Variants in GALM observed in about 807,000 individuals in gnomAD.
GALM encodes galactose mutarotase.
In GALM, 43 loss-of-function variants were observed where a neutral mutation model predicts 37.4. The ratio of observed to expected loss-of-function variants is 1.15; its 90% CI spans 0.90 to 1.48. The LOEUF is 1.48. Among genes scored for constraint, GALM ranks in the 40% most tolerant of loss-of-function variants. The probability of loss-of-function intolerance (pLI) is 0.00; values close to 1 mark genes in which losing one functional copy is unlikely to be tolerated. For synonymous variants in GALM, 199 were observed against 170.6 expected, an observed-to-expected ratio of 1.17 and a Z score of -1.30; for missense variants, 456 against 419.1, an observed-to-expected ratio of 1.09 and a Z score of -0.77.
chr2:38,707,219 C>G (rs535006034), intron 4 of GALM, among the ~76,000 whole-genome samples: 97 of 152,112 alleles, frequency 6.4e-4, no homozygotes, highest in African/African-American at 2.3e-3. Context: ...CTTCCAGCAG[C>G]TGGATGCATG....
At chr2:38,670,251 A>G (rs1015201817) in intron 1 of GALM, among the ~76,000 whole-genome samples, 2 of 152,244 alleles carry the variant, frequency 1.3e-5, no homozygotes, top group African/African-American at 4.8e-5. Context: ...TATAAGCCAC[A>G]GGTATAAACA....
chr2:38,666,363 T>C lies in GALM; in HGVS notation c.190+12T>C. ...CGCCGAGTTGGAAGGTGGGTTGAAC[T>C]GTGCCCTGGGCTGCGAGCAGGCCCC... On this transcript the variant is annotated intron_variant, in intron 1 of 6. Transcript: ENST00000272252. 1 of 1,601,882 alleles carries C rather than the reference T, an allele frequency of 6.2e-7. No individual in the cohort carries two copies. Among genetic ancestry groups the C allele is most frequent in the Non-Finnish European group, 8.5e-7 (1 of 1,172,370 alleles).
chr2:38,700,911 C>T (rs1665904086), intron 4 of GALM, among the ~76,000 whole-genome samples: 2 of 152,092 alleles, frequency 1.3e-5, no homozygotes, highest in Admixed American at 6.6e-5. Flanking sequence ...GAGTTTTCTA[C>T]TTTTTTGTGT....
chr2:38,689,539 T>A (rs1665622016), intron 3 of GALM, among the ~76,000 whole-genome samples: 1 of 152,192 alleles, frequency 6.6e-6, no homozygotes, highest in Non-Finnish European at 1.5e-5. Flanking sequence ...TCCAAAAGGC[T>A]TTCAAACCAC....
At chr2:38,687,508 G>A (rs1258487415) in intron 3 of GALM, among the ~76,000 whole-genome samples, 2 of 151,964 alleles carry the variant, frequency 1.3e-5, no homozygotes, top group Non-Finnish European at 2.9e-5. Context: ...TCTGGAGTTC[G>A]AGACCAGCCT....
chr2:38,732,022 G>C (rs1666619211), intron 6 of GALM, 113 bp downstream of exon 6: 2 of 953,982 alleles, frequency 2.1e-6, no homozygotes, highest in African/African-American at 3.3e-5. Context: ...TGCTTTGTTT[G>C]TTTGGTTTGT....
At chr2:38,686,670 A>G (rs1665546469) in intron 3 of GALM, among the ~76,000 whole-genome samples, 1 of 152,212 alleles carries the variant, frequency 6.6e-6, no homozygotes, top group African/African-American at 2.4e-5. Context: ...ATACAGTCAT[A>G]CAACGGAATA....
intron 5 of GALM, among the ~76,000 whole-genome samples, chr2:38,730,520 C>T (rs939313342): frequency 9.2e-5 from 14 of 152,162 alleles, no homozygotes; most frequent in African/African-American, 3.4e-4. Flanking sequence ...CCACCTCGGC[C>T]TCCCAAAGTG....
At chr2:38,675,599 C>T (rs562863711) in intron 1 of GALM, among the ~76,000 whole-genome samples, 102 of 131,418 alleles carry the variant, frequency 7.8e-4, no homozygotes, top group African/African-American at 2.7e-3. Flanking sequence ...GATGGAGTCT[C>T]GCTCTGTCGC....
In GALM at chr2:38,666,315, G is replaced by T. The variant is rs1664930567; in HGVS notation, c.154G>T (p.Ala52Ser). 6.2e-7 allele frequency: 1 copy of T among 1,613,460 alleles called. No individual in the cohort carries two copies. Among genetic ancestry groups the T allele is most frequent in the African/African-American group, 1.3e-5 (1 of 74,918 alleles). The change falls in exon 1 of 7, where the codon GCC becomes TCC. Residue 52 changes from alanine (A) to serine (S), a missense_variant. By Grantham distance (99) the Ala-to-Ser change is moderately conservative. Coordinates refer to ENST00000272252, the MANE Select transcript of GALM (RefSeq NM_138801.3). Reference protein sequence around the residue: ...ALEVKDRQGRASDVVLGFAEL... With the variant: ...ALEVKDRQGRSSDVVLGFAEL... The stretch of plus-strand genomic sequence containing the variant: ...AGAGGTCAAAGACAGGCAGGGGAGA[G>T]CCTCGGACGTGGTGCTTGGCTTCGC...
At chr2:38,722,758 T>G (rs945284119) in intron 4 of GALM, among the ~76,000 whole-genome samples, 2 of 152,228 alleles carry the variant, frequency 1.3e-5, no homozygotes, top group African/African-American at 4.8e-5. Flanking sequence ...AAAAACTGCA[T>G]GTTCATTTTC....
intron 4 of GALM, among the ~76,000 whole-genome samples, chr2:38,703,385 C>T (rs1005911230): frequency 1.3e-5 from 2 of 151,402 alleles, no homozygotes; most frequent in African/African-American, 2.4e-5. Flanking sequence ...GGATTACAAG[C>T]GTGAGCCACC....
At chr2:38,720,414 T>TTA (rs752599175) in intron 4 of GALM, among the ~76,000 whole-genome samples, 4 of 92,850 alleles carry the variant, frequency 4.3e-5, no homozygotes, top group African/African-American at 1.7e-4. Flanking sequence ...ACTTCTATGT[T>TTA]AAAAAAAAAA....
intron 4 of GALM, among the ~76,000 whole-genome samples, chr2:38,694,304 T>C (rs1414100130): frequency 6.6e-6 from 1 of 152,180 alleles, no homozygotes; most frequent in Non-Finnish European, 1.5e-5. Flanking sequence ...AGTCAATAAA[T>C]GAGAAGTAAG....
At chr2:38,694,668 G>A (rs942350018) in intron 4 of GALM, among the ~76,000 whole-genome samples, 5 of 152,000 alleles carry the variant, frequency 3.3e-5, no homozygotes, top group East Asian at 3.9e-4. Flanking sequence ...AGGCCGAGGC[G>A]GATGGATCAC....
chr2:38,694,922 AAAGGGAAAGTC>A (rs1191953340), intron 4 of GALM, among the ~76,000 whole-genome samples: 5 of 148,364 alleles, frequency 3.4e-5, no homozygotes, highest in East Asian at 2.0e-4. Context: ...ACAAAAAAAG[AAAGGGAAAGTC>A]AAGGGAAAGT....
At chr2:38,724,719 ACCCTCTGTG>A (rs1161749662) in intron 4 of GALM, among the ~76,000 whole-genome samples, 2 of 152,114 alleles carry the variant, frequency 1.3e-5, no homozygotes, top group African/African-American at 4.8e-5. Flanking sequence ...TTAAAGTCTT[ACCCTCTGTG>A]CCCTCTGCTC....
intron 3 of GALM, among the ~76,000 whole-genome samples, chr2:38,686,758 G>A (rs1665548600): frequency 2.6e-5 from 4 of 152,192 alleles, no homozygotes; most frequent in Admixed American, 2.6e-4. Context: ...AGGCACCAAA[G>A]AATATGTACT....
intron 4 of GALM, among the ~76,000 whole-genome samples, chr2:38,720,073 G>C (rs985029044): frequency 6.6e-6 from 1 of 151,930 alleles, no homozygotes; most frequent in Non-Finnish European, 1.5e-5. Flanking sequence ...TTAGCCAGGC[G>C]CAATGGCACA....
Sources: gnomAD v4.1 joint callset for allele counts (sites outside exome capture counted in the v4.1 genomes callset) on GRCh38, gnomAD v4.1.1 for gene constraint, MANE v1.5 for transcripts, NCBI Gene and HGNC (gene_info 2026-07-23, HGNC 2026-07-21) for gene names.